RNF103: variants seen among roughly 807,000 people sequenced by gnomAD.
RNF103 encodes the protein E3 ubiquitin-protein ligase RNF103.
Under a neutral mutation model 66.2 loss-of-function variants are expected in RNF103, and 23 were observed. The ratio of observed to expected loss-of-function variants is 0.35; its 90% CI spans 0.25 to 0.49. RNF103 has a LOEUF of 0.49. RNF103 is among the 20% of genes least tolerant of loss of function. The pLI, the probability that RNF103 is intolerant of heterozygous loss-of-function variation, is 0.98. For synonymous variants in RNF103, 297 were observed against 289.9 expected, an observed-to-expected ratio of 1.02 and a Z score of -0.25; for missense variants, 730 against 814.7, an observed-to-expected ratio of 0.90 and a Z score of 1.27.
rs1678435998 is a variant in RNF103 at position 86,603,837 on chromosome 2, A to C, written c.*6T>G. The C allele has an allele frequency of 1.3e-6, 2 of 1,597,908 alleles. No individual in the cohort carries two copies. Among genetic ancestry groups the C allele is most frequent in the African/African-American group, 1.4e-5 (1 of 73,988 alleles). On this transcript the variant is annotated 3_prime_UTR_variant, in exon 4 of 4. Transcript: ENST00000237455. ...TCAAAGCTTATAAAGGACAAATTGCACATGGTTAAGATGGGACATCATTTG... is the reference window on the plus strand; with the variant it reads ...TCAAAGCTTATAAAGGACAAATTGCCCATGGTTAAGATGGGACATCATTTG...
intron 2 of RNF103, chr2:86,614,902 A>G: frequency 1.0e-6 from 1 of 985,422 alleles, no homozygotes; most frequent in Non-Finnish European, 1.2e-6. Flanking sequence ...CAAATAACCC[A>G]AACATTTCAG....
intron 2 of RNF103, among the ~76,000 whole-genome samples, chr2:86,615,520 T>TATATATATATATA (rs1678980624): frequency 7.0e-6 from 1 of 142,312 alleles, no homozygotes; most frequent in Admixed American, 7.2e-5. Flanking sequence ...TACATATGCC[T>TATATATATATATA]TATATATATA....
chr2:86,604,803 T>G lies in RNF103; in HGVS notation c.1098A>C (p.Leu366=), dbSNP rs1678484057. Reference sequence around the variant, plus strand: ...ACACAGGTAGCCAGGAAATAATTAATAGAGAATTATATGTCCCTAAAGTGC... The same window carrying G: ...ACACAGGTAGCCAGGAAATAATTAAGAGAGAATTATATGTCCCTAAAGTGC... The part of the protein sequence containing the change: ...LISTLGTYNS[L]LIISWLPVLG... The change falls in exon 4 of 4, where the codon CTA becomes CTC. Residue 366 remains leucine (L), a synonymous_variant. Coordinates refer to ENST00000237455, the MANE Select transcript of RNF103 (RefSeq NM_005667.4). 1 of 1,614,026 alleles carries G rather than the reference T, an allele frequency of 6.2e-7. No individual in the cohort carries two copies. Among genetic ancestry groups the G allele is most frequent in the Non-Finnish European group, 8.5e-7 (1 of 1,180,032 alleles).
chr2:86,605,574 G>C (rs1348056346), intron 3 of RNF103, 156 bp from the exon 4 acceptor site: 2 of 629,774 alleles, frequency 3.2e-6, no homozygotes, highest in Non-Finnish European at 2.5e-6. Flanking sequence ...AACAAGCTCT[G>C]TTTTTCTAGT....
In RNF103 at chr2:86,623,398, G is replaced by A; in HGVS notation, c.-512C>T. 1 of 979,750 alleles carries A rather than the reference G, an allele frequency of 1.0e-6. No homozygotes were observed. Among genetic ancestry groups the A allele is most frequent in the Middle Eastern group, 5.3e-4 (1 of 1,904 alleles). The allele number at this position is 979,750 out of a possible 1,614,324, so 60.7% of individuals were successfully genotyped here. A position where few individuals can be genotyped will look rare whatever the true frequency, so the allele number is the denominator to read the frequency against. On this transcript the variant is annotated 5_prime_UTR_variant, in exon 1 of 4. Transcript: ENST00000237455. ...TGGGGGCCGGACTCCCGCGGCCGCG[G>A]GTCAGGAGGGCGCGGCGCTCGGCCG... is the stretch of plus-strand genomic sequence containing the variant.
At position 86,614,819 on chromosome 2, in the gene RNF103, T is replaced by C. The variant is rs561336254; in HGVS notation, c.367-2545A>G. 2.1e-5 allele frequency: 21 copies of C among 984,308 alleles called. No homozygotes were observed. In the South Asian group the frequency reaches 3.8e-4, roughly 18 times the overall value. 61.0% of individuals were successfully genotyped at this position (984,308 alleles called of 1,614,324 possible). A position where few individuals can be genotyped will look rare whatever the true frequency, so the allele number is the denominator to read the frequency against. ...AAGTATCTGTGCAATCATACTACCA[T>C]ACTCTCTACTCTTTGCCCTCTTTTA... On this transcript the variant is annotated intron_variant, in intron 2 of 3. Coordinates refer to ENST00000237455, the MANE Select transcript of RNF103 (RefSeq NM_005667.4).
chr2:86,603,905 A>G lies in RNF103; in HGVS notation c.1996T>C (p.Ser666Pro), dbSNP rs1232194751. Reference sequence around the variant, plus strand: ...GCATATGGCTGCTTTTTTTTATAAGAAGGCCACCGGCAAACAGGGCAACAA... The same window carrying G: ...GCATATGGCTGCTTTTTTTTATAAGGAGGCCACCGGCAAACAGGGCAACAA... ...RHCCPVCRWP[S>P]YKKKQPYAQH... The change falls in exon 4 of 4, where the codon TCT (serine) becomes CCT (proline). Residue 666 changes from serine to proline, a missense_variant. This residue lies in a region of RNF103 where 355 missense variants were observed against 351.9 expected (regional missense o/e 1.01). Transcript: ENST00000237455. 1.2e-6 allele frequency: 2 copies of G among 1,614,098 alleles called. No homozygotes were observed. Among genetic ancestry groups the G allele is most frequent in the Non-Finnish European group, 8.5e-7 (1 of 1,180,008 alleles).
At chr2:86,613,731 T>G (rs1678895787) in intron 2 of RNF103, 1 of 152,094 alleles carries the variant, frequency 6.6e-6, no homozygotes, top group South Asian at 2.1e-4. Context: ...CTAACAAATG[T>G]CAGAGGGCAG....
intron 1 of RNF103, 57 bp from the exon 2 acceptor site, chr2:86,620,526 T>C (rs1027044059): frequency 2.1e-6 from 3 of 1,454,666 alleles, no homozygotes; most frequent in African/African-American, 2.8e-5. Context: ...GATTCCCAAT[T>C]TCAGTAATTC....
At chr2:86,616,335 G>T (rs1335932278) in intron 2 of RNF103, 1 of 253,058 alleles carries the variant, frequency 4.0e-6, no homozygotes, top group Non-Finnish European at 6.2e-6. Context: ...ATTATAATAG[G>T]GAGTCTCTAC....
rs373749370 is a variant in RNF103 at position 86,605,415 on chromosome 2, A to G, written c.486T>C (p.Tyr162=). Residue 162 remains tyrosine (Y), a synonymous_variant, in exon 4 of 4, where the codon TAT becomes TAC. Coordinates refer to ENST00000237455, the MANE Select transcript of RNF103 (RefSeq NM_005667.4). ...GTFNCSSDPR[Y]CRRRGWVRST... is the part of the protein sequence containing the mutation. ...ATCGGACCCAGCCTCTTCTCCTGCAATATCTACAAGAGAGGAAACTGTAAA... is the reference window on the plus strand; with the variant it reads ...ATCGGACCCAGCCTCTTCTCCTGCAGTATCTACAAGAGAGGAAACTGTAAA... The G allele has an allele frequency of 1.2e-5, 20 of 1,605,608 alleles. No individual in the cohort carries two copies. The African/African-American group carries it at 2.3e-4, about 18-fold the overall frequency.
intron 3 of RNF103, among the ~76,000 whole-genome samples, chr2:86,609,745 G>T (rs1421007327): frequency 2.0e-5 from 3 of 152,116 alleles, no homozygotes; most frequent in African/African-American, 7.2e-5. Context: ...GGTCAGGAAA[G>T]TACAGCTGTA....
intron 2 of RNF103, chr2:86,617,561 C>T: frequency 1.3e-6 from 1 of 751,340 alleles, no homozygotes; most frequent in Non-Finnish European, 1.6e-6. Flanking sequence ...GGATTTGGTA[C>T]TATCCACGGT....
Position 86,604,463 on chromosome 2 carries a change from A to G in RNF103, c.1438T>C (p.Ser480Pro), listed in dbSNP as rs755290743. The change falls in exon 4 of 4, where the codon TCT becomes CCT. Residue 480 changes from serine (S) to proline (P), a missense_variant. By Grantham distance (74) the Ser-to-Pro change is moderately conservative (BLOSUM62 -1). Coordinates refer to ENST00000237455, the MANE Select transcript of RNF103 (RefSeq NM_005667.4). ...IASFQNFPVE[S>P]DWDEDPDLFL... is the part of the protein sequence containing the mutation. ...AAGTCAGGGTCTTCGTCCCAATCAGATTCTACAGGAAAGTTCTGAAAAGAA... is the reference window on the plus strand; with the variant it reads ...AAGTCAGGGTCTTCGTCCCAATCAGGTTCTACAGGAAAGTTCTGAAAAGAA... The G allele has an allele frequency of 2.5e-6, 4 of 1,614,218 alleles. No homozygotes were observed. In the South Asian group the frequency reaches 4.4e-5, roughly 18 times the overall value.
rs1276324475 is a variant in RNF103, at chr2:86,604,827, G to A, written c.1074C>T (p.Ser358=). The change falls in exon 4 of 4, where the codon AGC becomes AGT. Residue 358 remains serine, a synonymous_variant. Transcript: ENST00000237455. ...ATAGAGAATTATATGTCCCTAAAGT[G>A]CTTATGAGAACCACAAATCGCTTTA... is the stretch of plus-strand genomic sequence containing the variant. The part of the protein sequence containing the change: ...ATIKRFVVLI[S]TLGTYNSLLI... 1.1e-5 allele frequency: 17 copies of A among 1,613,994 alleles called. No individual in the cohort carries two copies. Among genetic ancestry groups the A allele is most frequent in the African/African-American group, 8.0e-5 (6 of 74,912 alleles).
At chr2:86,616,949 A>G in intron 2 of RNF103, 1 of 985,428 alleles carries the variant, frequency 1.0e-6, no homozygotes, top group Non-Finnish European at 1.2e-6. Flanking sequence ...ACCATCTTCT[A>G]TTTGTAATGC....
chr2:86,617,700 T>C (rs1050649750), intron 2 of RNF103: 2 of 991,916 alleles, frequency 2.0e-6, no homozygotes, highest in Non-Finnish European at 2.4e-6. Context: ...AATAGATTAA[T>C]ATATATGATC....
rs112654860 is a variant in RNF103 at position 86,604,223 on chromosome 2, C to T, written c.1678G>A (p.Val560Ile). ...GCTGTTCCTGGAGAATTGTGAAGTACGCTTTGCTTATCTTCAAATACTTCC... is the reference window on the plus strand; with the variant it reads ...GCTGTTCCTGGAGAATTGTGAAGTATGCTTTGCTTATCTTCAAATACTTCC... ...EKEVFEDKQS[V>I]LHNSPGTASH... The change falls in exon 4 of 4, where the codon GTA (valine) becomes ATA (isoleucine). Residue 560 changes from valine (V) to isoleucine (I), a missense_variant. Transcript: ENST00000237455. 39 of 1,614,062 alleles carry T rather than the reference C, an allele frequency of 2.4e-5. No homozygotes were observed. The highest frequency in any genetic ancestry group is 9.3e-5 in the African/African-American group (7 of 75,036).
At chr2:86,617,140 C>T in intron 2 of RNF103, 5 of 985,280 alleles carry the variant, frequency 5.1e-6, no homozygotes, top group Non-Finnish European at 6.0e-6. Flanking sequence ...TATGTTGCTA[C>T]CTTGAAAACT....
Sources: allele counts gnomAD v4.1 joint callset (sites outside exome capture counted in the v4.1 genomes callset), GRCh38; gene constraint gnomAD v4.1.1; regional missense constraint gnomAD v4.1.1; transcripts MANE v1.5; gene names NCBI Gene and HGNC (gene_info 2026-07-23, HGNC 2026-07-21).